Variants in OXR1 observed in about 807,000 individuals in gnomAD.
OXR1 encodes oxidation resistance 1.
Under a neutral mutation model 104.6 loss-of-function variants are expected in OXR1, and 41 were observed. The ratio of observed to expected loss-of-function variants is 0.39; its 90% CI spans 0.31 to 0.51. The LOEUF (loss-of-function observed/expected upper bound fraction) is 0.51, where lower values mean the gene tolerates loss of function less well. Among genes scored for constraint, OXR1 ranks in the 20% least tolerant of loss-of-function variants. The probability of loss-of-function intolerance (pLI) is 0.77; values close to 1 mark genes in which losing one functional copy is unlikely to be tolerated. For missense variants in OXR1, 955 were observed against 1,031.9 expected, an observed-to-expected ratio of 0.93 and a Z score of 1.02; for synonymous variants, 348 against 348.4, an observed-to-expected ratio of 1.00 and a Z score of 0.01.
At chr8:106,410,698 A>G (rs986876148) in intron 2 of OXR1, among the ~76,000 whole-genome samples, 4 of 152,168 alleles carry the variant, frequency 2.6e-5, no homozygotes, top group African/African-American at 9.7e-5. Context: ...CTTAGAAAGG[A>G]GAAAATCATT....
intron 3 of OXR1, among the ~76,000 whole-genome samples, chr8:106,521,996 T>C (rs1813297391): frequency 6.6e-6 from 1 of 152,214 alleles, no homozygotes; most frequent in Admixed American, 6.5e-5. Flanking sequence ...CTAGGAGCCC[T>C]CTTGTGGCCA....
chr8:106,600,117 G>A (rs1355105466), intron 3 of OXR1, among the ~76,000 whole-genome samples: 1 of 152,158 alleles, frequency 6.6e-6, no homozygotes, highest in Non-Finnish European at 1.5e-5. Context: ...GAGGACTCCT[G>A]CCTTAGAGAG....
intron 3 of OXR1, among the ~76,000 whole-genome samples, chr8:106,527,072 T>C (rs1394969933): frequency 6.6e-6 from 1 of 152,226 alleles, no homozygotes; most frequent in Non-Finnish European, 1.5e-5. Context: ...CTCCTGCTAG[T>C]TATGAGACCA....
intron 11 of OXR1, chr8:106,726,048 A>C: frequency 1.4e-6 from 1 of 733,584 alleles, no homozygotes; most frequent in Non-Finnish European, 2.0e-6. Context: ...TACAGCCTCC[A>C]CTCAGGACTA....
intron 9 of OXR1, 51 bp from the exon 10 acceptor site, chr8:106,710,571 T>C (rs1831588800): frequency 3.1e-6 from 4 of 1,281,736 alleles, no homozygotes; most frequent in Admixed American, 5.4e-5. Flanking sequence ...CTAAACTACC[T>C]AAACTTGGTG....
intron 3 of OXR1, among the ~76,000 whole-genome samples, chr8:106,603,057 T>A (rs1229990695): frequency 6.6e-6 from 1 of 152,220 alleles, no homozygotes; most frequent in Non-Finnish European, 1.5e-5. Context: ...TCTTTGCCAT[T>A]TTAAAGGTAA....
intron 3 of OXR1, among the ~76,000 whole-genome samples, chr8:106,533,226 C>A (rs1814221090): frequency 6.6e-6 from 1 of 152,182 alleles, no homozygotes; most frequent in Non-Finnish European, 1.5e-5. Context: ...AACCAATGAT[C>A]AGAGACATAG....
intron 2 of OXR1, among the ~76,000 whole-genome samples, chr8:106,423,041 C>A (rs898544758): frequency 6.6e-6 from 1 of 152,118 alleles, no homozygotes; most frequent in African/African-American, 2.4e-5. Context: ...CTCAAGCTGA[C>A]CCAGCCCACT....
At chr8:106,629,250 TC>T (rs1217812121) in intron 3 of OXR1, among the ~76,000 whole-genome samples, 2 of 152,090 alleles carry the variant, frequency 1.3e-5, no homozygotes, top group Non-Finnish European at 2.9e-5. Flanking sequence ...TTTTTTTTTT[TC>T]CTCATGGTCC....
intron 1 of OXR1, among the ~76,000 whole-genome samples, chr8:106,317,196 A>T (rs1222785680): frequency 1.3e-5 from 2 of 152,180 alleles, no homozygotes; most frequent in Non-Finnish European, 2.9e-5. Context: ...TTCTTTTTTA[A>T]GGCAAATAGA....
intron 1 of OXR1, among the ~76,000 whole-genome samples, chr8:106,270,760 C>T (rs539330710): frequency 3.3e-5 from 5 of 151,936 alleles, no homozygotes; most frequent in African/African-American, 1.2e-4. Flanking sequence ...GTGGGAGCAG[C>T]GTGAGAGCAG....
chr8:106,718,245 A>G (rs973887733), intron 11 of OXR1, among the ~76,000 whole-genome samples: 5 of 152,214 alleles, frequency 3.3e-5, no homozygotes, highest in Admixed American at 1.3e-4. Context: ...GGCACCCCAA[A>G]TTACTAAAAT....
chr8:106,575,985 A>AACACAC (rs35038334), intron 3 of OXR1, among the ~76,000 whole-genome samples: 5,695 of 144,310 alleles, frequency 0.039, 164 homozygotes, highest in Admixed American at 0.086. Context: ...AAATGTTTAT[A>AACACAC]ACACACACAC....
chr8:106,554,196 A>C (rs896548996), intron 3 of OXR1, among the ~76,000 whole-genome samples: 2 of 152,178 alleles, frequency 1.3e-5, no homozygotes, highest in Non-Finnish European at 2.9e-5. Context: ...TGTGCCCCGG[A>C]TGTGATATAC....
intron 3 of OXR1, among the ~76,000 whole-genome samples, chr8:106,588,649 A>C (rs555764331): frequency 6.6e-6 from 1 of 151,446 alleles, no homozygotes; most frequent in African/African-American, 2.4e-5. Flanking sequence ...TGCCTGGCTA[A>C]TTTTTGTATT....
chr8:106,605,632 T>TAA lies in OXR1; in HGVS notation c.221-73559_221-73558dup, dbSNP rs11347410. On this transcript the variant is annotated intron_variant, in intron 3 of 16. Coordinates refer to ENST00000517566, the MANE Select transcript of OXR1 (RefSeq NM_001198533.2). ...CAATATGGTGAAACCCCGTCTCTAC[T>TAA]AAAAAAAAAAAAAAAAAAAATTAGG... Among the ~76,000 whole-genome samples, 209 of 123,456 alleles carry TAA rather than the reference T, an allele frequency of 1.7e-3. 2 individuals carry two copies. The East Asian group carries it at 0.023, about 14-fold the overall frequency. 81.0% of individuals were successfully genotyped at this position (123,456 alleles called of 152,430 possible).
intron 15 of OXR1, 104 bp from the exon 16 acceptor site, chr8:106,745,685 T>A (rs548982588): frequency 1.6e-5 from 9 of 554,844 alleles, no homozygotes; most frequent in Admixed American, 3.3e-5. Flanking sequence ...CTTATTCTTA[T>A]ACTGCCAGTC....
intron 3 of OXR1, among the ~76,000 whole-genome samples, chr8:106,542,103 AT>A (rs1360516106): frequency 6.6e-6 from 1 of 152,156 alleles, no homozygotes; most frequent in Non-Finnish European, 1.5e-5. Context: ...CCTTCAGTGG[AT>A]AAAGTGACCC....
intron 11 of OXR1, among the ~76,000 whole-genome samples, chr8:106,728,217 GAAAAAAAAAAAAA>G (rs1164061309): frequency 1.2e-5 from 1 of 85,822 alleles, no homozygotes; most frequent in African/African-American, 4.2e-5. Flanking sequence ...TTCTAAACTG[GAAAAAAAAAAAAA>G]AAAAAAAAAA....
Sources: allele counts gnomAD v4.1 joint callset (sites outside exome capture counted in the v4.1 genomes callset), GRCh38; gene constraint gnomAD v4.1.1; transcripts MANE v1.5; gene names NCBI Gene and HGNC (gene_info 2026-07-23, HGNC 2026-07-21).